GUCY1A2: variants seen among roughly 807,000 people sequenced by gnomAD.
The protein encoded by GUCY1A2 is guanylate cyclase 1 soluble subunit alpha 2, also known as guanylate cyclase soluble subunit alpha-2.
Under a neutral mutation model 63.5 loss-of-function variants are expected in GUCY1A2, and 27 were observed. The observed-to-expected ratio is 0.43, with a 90% CI of 0.31 to 0.59. The LOEUF (loss-of-function observed/expected upper bound fraction) is 0.59. Ranked by LOEUF, GUCY1A2 falls within the 20% of genes least tolerant of loss-of-function variation. The pLI is 0.11. For synonymous variants in GUCY1A2, 364 were observed against 343.5 expected (o/e 1.06, Z -0.66); for missense variants, 768 against 913.3 (o/e 0.84, Z 2.05).
At chr11:106,844,563 T>C (rs1859246059) in intron 4 of GUCY1A2, among the ~76,000 whole-genome samples, 1 of 151,810 alleles carries the variant, frequency 6.6e-6, no homozygotes, top group South Asian at 2.1e-4. Flanking sequence ...TCTTAATTAC[T>C]ATTCCTTCAA....
At chr11:106,875,007 T>C (rs913308263) in intron 4 of GUCY1A2, among the ~76,000 whole-genome samples, 5 of 152,184 alleles carry the variant, frequency 3.3e-5, no homozygotes, top group Non-Finnish European at 5.9e-5. Flanking sequence ...TAATCCATTA[T>C]AGTAATAGAT....
rs1050653073 is a variant in GUCY1A2 at position 106,682,854 on chromosome 11, C to T, written c.*4695G>A. On this transcript the variant is annotated 3_prime_UTR_variant, in exon 8 of 8. Coordinates refer to ENST00000526355, the MANE Select transcript of GUCY1A2 (RefSeq NM_000855.3). ...AGGAAGAAAACAAGGGATGGAAGAA[C>T]AGTCATACGCAGGTTTCAATTGTTT... 4.6e-6 allele frequency: 1 copy of T among 215,512 alleles called. No individual in the cohort carries two copies. Among genetic ancestry groups the T allele is most frequent in the Non-Finnish European group, 9.4e-6 (1 of 106,786 alleles). 13.3% of individuals were successfully genotyped at this position (215,512 alleles called of 1,614,324 possible).
At chr11:106,984,594 G>A (rs558458916) in intron 2 of GUCY1A2, among the ~76,000 whole-genome samples, 19 of 152,278 alleles carry the variant, frequency 1.2e-4, no homozygotes, top group Middle Eastern at 3.4e-3. Context: ...TTTCGAAAGC[G>A]AAAGAGCATT....
chr11:106,834,574 A>C (rs1250568971), intron 4 of GUCY1A2, among the ~76,000 whole-genome samples: 1 of 152,002 alleles, frequency 6.6e-6, no homozygotes, highest in Non-Finnish European at 1.5e-5. Context: ...AATATCTATC[A>C]TTCAGCTTCT....
At chr11:106,927,250 G>A (rs1020322137) in intron 4 of GUCY1A2, among the ~76,000 whole-genome samples, 30 of 151,512 alleles carry the variant, frequency 2.0e-4, no homozygotes, top group Non-Finnish European at 3.7e-4. Context: ...GCGGGCGCCT[G>A]TAGTCCCAGC....
intron 1 of GUCY1A2, among the ~76,000 whole-genome samples, chr11:106,992,717 C>T (rs2465779): frequency 0.25 from 37,285 of 151,984 alleles, 4,987 homozygotes; most frequent in East Asian, 0.51. Context: ...TGTATTCAAA[C>T]AATTGATTTT....
intron 4 of GUCY1A2, among the ~76,000 whole-genome samples, chr11:106,823,096 GA>G (rs139118381): frequency 3.9e-4 from 59 of 150,918 alleles, no homozygotes; most frequent in African/African-American, 9.0e-4. Flanking sequence ...ATTTTCTTCT[GA>G]AAAAAAAATG....
chr11:106,922,821 A>G (rs1178006665), intron 4 of GUCY1A2, among the ~76,000 whole-genome samples: 2 of 151,188 alleles, frequency 1.3e-5, no homozygotes, highest in Non-Finnish European at 2.9e-5. Flanking sequence ...TCACATGTAT[A>G]CTCCCAATGT....
intron 4 of GUCY1A2, among the ~76,000 whole-genome samples, chr11:106,875,833 G>T (rs963424700): frequency 6.6e-6 from 1 of 151,988 alleles, no homozygotes; most frequent in Non-Finnish European, 1.5e-5. Flanking sequence ...TTATATCTAT[G>T]CTTTTTTTAT....
At chr11:106,976,061 T>C (rs1231208756) in intron 3 of GUCY1A2, among the ~76,000 whole-genome samples, 1 of 152,188 alleles carries the variant, frequency 6.6e-6, no homozygotes, top group Non-Finnish European at 1.5e-5. Context: ...TCTTTTTTGA[T>C]GATGAAGTAT....
At chr11:106,907,334 T>A (rs1049255584) in intron 4 of GUCY1A2, among the ~76,000 whole-genome samples, 1 of 152,090 alleles carries the variant, frequency 6.6e-6, no homozygotes, top group African/African-American at 2.4e-5. Context: ...CTCTGATGTC[T>A]TTTTTTAGGG....
chr11:106,697,801 G>A (rs904212006), intron 7 of GUCY1A2, among the ~76,000 whole-genome samples: 1 of 151,994 alleles, frequency 6.6e-6, no homozygotes, highest in African/African-American at 2.4e-5. Context: ...ATATAGAATG[G>A]CTATGTGTTT....
intron 4 of GUCY1A2, among the ~76,000 whole-genome samples, chr11:106,811,306 T>C (rs915428229): frequency 1.2e-4 from 18 of 152,036 alleles, no homozygotes; most frequent in African/African-American, 4.3e-4. Context: ...TCAGAGGGCA[T>C]GAACAATGAA....
intron 4 of GUCY1A2, among the ~76,000 whole-genome samples, chr11:106,828,865 T>C (rs1859012243): frequency 1.3e-5 from 2 of 152,208 alleles, no homozygotes; most frequent in Non-Finnish European, 2.9e-5. Flanking sequence ...TAATCAAAGA[T>C]GAATCACAGA....
intron 3 of GUCY1A2, among the ~76,000 whole-genome samples, chr11:106,965,769 C>T (rs562557862): frequency 2.6e-5 from 4 of 152,180 alleles, no homozygotes; most frequent in African/African-American, 9.6e-5. Flanking sequence ...TGATGAACAC[C>T]ACTCGGGACT....
chr11:106,826,421 T>A, intron 4 of GUCY1A2: 5 of 1,564,654 alleles, frequency 3.2e-6, no homozygotes, highest in Non-Finnish European at 4.4e-6. Context: ...ATATCAATAT[T>A]TGGATCTAGC....
chr11:106,810,693 A>G (rs1591286687), intron 4 of GUCY1A2, among the ~76,000 whole-genome samples: 1 of 152,170 alleles, frequency 6.6e-6, no homozygotes, highest in East Asian at 1.9e-4. Flanking sequence ...GCTACTTTCT[A>G]AAGACAATAA....
chr11:106,857,160 T>C (rs1859447976), intron 4 of GUCY1A2, among the ~76,000 whole-genome samples: 1 of 152,186 alleles, frequency 6.6e-6, no homozygotes, highest in Non-Finnish European at 1.5e-5. Flanking sequence ...ACTGTATGGC[T>C]TAAACAGCAT....
intron 3 of GUCY1A2, among the ~76,000 whole-genome samples, chr11:106,942,392 C>T (rs956362759): frequency 6.6e-6 from 1 of 152,118 alleles, no homozygotes; most frequent in Admixed American, 6.6e-5. Context: ...AACTAGAAAA[C>T]TCTAAGATAC....
Sources: allele counts gnomAD v4.1 joint callset (sites outside exome capture counted in the v4.1 genomes callset), GRCh38; gene constraint gnomAD v4.1.1; transcripts MANE v1.5; gene names NCBI Gene and HGNC (gene_info 2026-07-23, HGNC 2026-07-21).